SPAG16: variants seen among roughly 807,000 people sequenced by gnomAD.
SPAG16 encodes the protein sperm-associated antigen 16 protein.
A neutral mutation model predicts 80.4 loss-of-function variants in SPAG16; 86 were observed. That is an observed-to-expected ratio of 1.07 (90% confidence interval 0.90 to 1.28). The LOEUF (loss-of-function observed/expected upper bound fraction) is 1.28, where lower values mean the gene tolerates loss of function less well. SPAG16 is among the 50% of genes most tolerant of loss of function. The pLI is 0.00. For missense variants in SPAG16, 870 were observed against 765.3 expected (o/e 1.14, Z -1.61); for synonymous variants, 294 against 265.9 (o/e 1.11, Z -1.03).
At chr2:214,230,387 G>A (rs1363107409) in intron 15 of SPAG16, among the ~76,000 whole-genome samples, 1 of 151,928 alleles carries the variant, frequency 6.6e-6, no homozygotes, top group Non-Finnish European at 1.5e-5. Context: ...ATCAGGTAAT[G>A]TCAATGTTAG....
At chr2:213,865,945 T>C (rs1349843230) in intron 11 of SPAG16, among the ~76,000 whole-genome samples, 3 of 148,614 alleles carry the variant, frequency 2.0e-5, no homozygotes, top group African/African-American at 7.3e-5. Flanking sequence ...ACTATATATA[T>C]ATGTGCTTAA....
chr2:213,378,723 G>A (rs1479132290), intron 9 of SPAG16, among the ~76,000 whole-genome samples: 2 of 152,166 alleles, frequency 1.3e-5, no homozygotes, highest in Non-Finnish European at 2.9e-5. Context: ...CTATTCTGTA[G>A]TCCCTTTGCC....
chr2:213,444,390 T>C (rs1464971537), intron 9 of SPAG16, among the ~76,000 whole-genome samples: 2 of 152,166 alleles, frequency 1.3e-5, no homozygotes, highest in Non-Finnish European at 2.9e-5. Context: ...AGTTTTGAGA[T>C]TTGTCCTAGA....
At chr2:213,851,179 G>A (rs1435283124) in intron 10 of SPAG16, among the ~76,000 whole-genome samples, 2 of 152,158 alleles carry the variant, frequency 1.3e-5, no homozygotes, top group Admixed American at 1.3e-4. Context: ...AAAGACCAAA[G>A]AATTGATACG....
intron 15 of SPAG16, among the ~76,000 whole-genome samples, chr2:214,176,172 A>T (rs1308817306): frequency 6.6e-6 from 1 of 151,342 alleles, no homozygotes; most frequent in Non-Finnish European, 1.5e-5. Context: ...CAAATATAGC[A>T]TTTACCACCA....
chr2:213,581,131 A>G (rs959053735), intron 10 of SPAG16, among the ~76,000 whole-genome samples: 8 of 152,166 alleles, frequency 5.3e-5, no homozygotes, highest in Non-Finnish European at 1.0e-4. Flanking sequence ...CTTTTTAGTT[A>G]CTAGTAACTA....
rs143700488 is a variant in SPAG16, at chr2:213,772,314, C to T, written c.1071-90171C>T. On this transcript the variant is annotated intron_variant, in intron 10 of 15. Transcript: ENST00000331683. ...TTTTGTACCCTGAGACCACCCTCAA[C>T]ATGCCAGATCTTGACTATCTCAGAA... Among the ~76,000 whole-genome samples, 4 of 152,000 alleles carry T rather than the reference C, an allele frequency of 2.6e-5. No individual in the cohort carries two copies. The South Asian group carries it at 8.3e-4, about 31-fold the overall frequency.
Position 213,310,044 on chromosome 2 carries a change from A to G in SPAG16, c.280-15A>G, listed in dbSNP as rs1042132536. On this transcript the variant is annotated splice_polypyrimidine_tract_variant and intron_variant, in intron 3 of 15. Coordinates refer to ENST00000331683, the MANE Select transcript of SPAG16 (RefSeq NM_024532.5). ...TGATGTTTTCAGAATAAATAAATGC[A>G]CGTTTAAATTTCAGGAACGGAAAAC... The G allele has an allele frequency of 2.7e-6, 4 of 1,491,880 alleles. No homozygotes were observed. In the African/African-American group the frequency reaches 5.6e-5, roughly 21 times the overall value. The allele number at this position is 1,491,880 out of a possible 1,614,324, so 92.4% of individuals were successfully genotyped here. A position where few individuals can be genotyped will look rare whatever the true frequency, so the allele number is the denominator to read the frequency against.
intron 11 of SPAG16, among the ~76,000 whole-genome samples, chr2:213,883,904 C>G (rs2076451121): frequency 6.6e-6 from 1 of 152,158 alleles, no homozygotes; most frequent in Non-Finnish European, 1.5e-5. Context: ...TGAGTCCTTA[C>G]ATGTGTGATA....
chr2:214,334,045 T>A (rs1396948131), intron 15 of SPAG16, among the ~76,000 whole-genome samples: 1 of 152,192 alleles, frequency 6.6e-6, no homozygotes, highest in Non-Finnish European at 1.5e-5. Context: ...ATCTCTCCCA[T>A]ATCCAATATG....
At chr2:213,981,077 G>A (rs1221693312) in intron 12 of SPAG16, among the ~76,000 whole-genome samples, 1 of 152,066 alleles carries the variant, frequency 6.6e-6, no homozygotes, top group African/African-American at 2.4e-5. Context: ...CAAGATGCCA[G>A]CTGACTCACT....
chr2:214,041,804 G>T (rs1300483163), intron 13 of SPAG16, among the ~76,000 whole-genome samples: 2 of 151,244 alleles, frequency 1.3e-5, no homozygotes, highest in African/African-American at 4.9e-5. Context: ...CACACACAGG[G>T]AAGATGTTTT....
At chr2:214,400,419 AAC>A (rs1240911828) in intron 15 of SPAG16, among the ~76,000 whole-genome samples, 2 of 152,184 alleles carry the variant, frequency 1.3e-5, no homozygotes, top group African/African-American at 4.8e-5. Context: ...ATAAAAATAT[AAC>A]AACTATTTAT....
intron 13 of SPAG16, among the ~76,000 whole-genome samples, chr2:214,028,697 G>A (rs2048258849): frequency 6.6e-6 from 1 of 151,902 alleles, no homozygotes; most frequent in Non-Finnish European, 1.5e-5. Context: ...ATCACTTGAT[G>A]TGAAATCTTG....
intron 12 of SPAG16, among the ~76,000 whole-genome samples, chr2:213,982,212 C>T (rs1575725287): frequency 6.6e-6 from 1 of 151,922 alleles, no homozygotes; most frequent in African/African-American, 2.4e-5. Flanking sequence ...TATTTTACAA[C>T]AGTAATTTCA....
chr2:213,409,566 A>T (rs1249116321), intron 9 of SPAG16, among the ~76,000 whole-genome samples: 1 of 152,222 alleles, frequency 6.6e-6, no homozygotes, highest in Non-Finnish European at 1.5e-5. Context: ...CTTTAACAAA[A>T]ATTATAAAAG....
chr2:213,531,941 A>T (rs1451331702), intron 10 of SPAG16, among the ~76,000 whole-genome samples: 1 of 152,176 alleles, frequency 6.6e-6, no homozygotes, highest in Non-Finnish European at 1.5e-5. Flanking sequence ...GTATATGTAC[A>T]GAGTTACGTT....
chr2:214,225,596 C>T (rs574680997), intron 15 of SPAG16, among the ~76,000 whole-genome samples: 61 of 152,172 alleles, frequency 4.0e-4, no homozygotes, highest in African/African-American at 1.5e-3. Context: ...ACACAATAAT[C>T]ACAAAGGCTT....
chr2:213,430,676 A>G (rs2070236104), intron 9 of SPAG16, among the ~76,000 whole-genome samples: 1 of 152,176 alleles, frequency 6.6e-6, no homozygotes, highest in Non-Finnish European at 1.5e-5. Flanking sequence ...TAATTGATGA[A>G]AACTTCACTA....
Sources: allele counts gnomAD v4.1 joint callset (sites outside exome capture counted in the v4.1 genomes callset), GRCh38; gene constraint gnomAD v4.1.1; transcripts MANE v1.5; gene names NCBI Gene and HGNC (gene_info 2026-07-23, HGNC 2026-07-21).